ZNF718: variants seen among roughly 807,000 people sequenced by gnomAD.
ZNF718 encodes the protein zinc finger protein 718.
A neutral mutation model predicts 2.6 loss-of-function variants in ZNF718; 3 were observed. The observed-to-expected ratio is 1.16, with a 90% CI of 0.53 to 3.01. The LOEUF (loss-of-function observed/expected upper bound fraction) is 3.01. Among genes scored for constraint, ZNF718 ranks in the 30% most tolerant of loss-of-function variants. The probability of loss-of-function intolerance (pLI) is 0.03; values close to 1 mark genes in which losing one functional copy is unlikely to be tolerated. For synonymous variants in ZNF718, 135 were observed against 77.9 expected (o/e 1.73, Z -3.86); for missense variants, 468 against 230.0 (o/e 2.03, Z -6.69).
chr4:144,299 G>A (rs186206697), intron 3 of ZNF718, among the ~76,000 whole-genome samples: 2 of 152,266 alleles, frequency 1.3e-5, no homozygotes, highest in East Asian at 1.9e-4. Flanking sequence ...CTTTCTAGCG[G>A]TAACAATATA....
intron 3 of ZNF718, among the ~76,000 whole-genome samples, chr4:190,032 T>G (rs1553820924): frequency 6.6e-6 from 1 of 152,180 alleles, no homozygotes; most frequent in Non-Finnish European, 1.5e-5. Context: ...TCATCAGGAA[T>G]TCTATATTTA....
At chr4:131,971 G>T (rs1715360099) in intron 3 of ZNF718, among the ~76,000 whole-genome samples, 1 of 100,348 alleles carries the variant, frequency 1.0e-5, no homozygotes, top group South Asian at 3.2e-4. Context: ...CGTGAACCCA[G>T]GAGTCGGAGC....
chr4:161,454 T>C lies in ZNF718; in HGVS notation c.769T>C (p.Cys257Arg), dbSNP rs781931812. Residue 257 changes from cysteine (C) to arginine (R), a missense_variant, in exon 4 of 4, where the codon TGT becomes CGT. Coordinates refer to ENST00000510175, the MANE Select transcript of ZNF718 (RefSeq NM_001039127.6). Reference protein sequence around the residue: ...RIHTGEKPYICEKCGKAFNQS... With the variant: ...RIHTGEKPYIREKCGKAFNQS... ...TCATACTGGAGAGAAACCCTACATATGTGAAAAATGTGGTAAAGCTTTTAA... is the reference window on the plus strand; with the variant it reads ...TCATACTGGAGAGAAACCCTACATACGTGAAAAATGTGGTAAAGCTTTTAA... The C allele has an allele frequency of 1.4e-5, 11 of 780,672 alleles. No homozygotes were observed. The highest frequency in any genetic ancestry group is 1.3e-4 in the South Asian group (10 of 74,620). 48.4% of individuals were successfully genotyped at this position (780,672 alleles called of 1,614,324 possible).
Position 176,128 on chromosome 4 carries a change from A to G in ZNF718, c.227-24953A>G, listed in dbSNP as rs183604525. ...CCCTTATAAGCTCTAATTGCCCACA[A>G]CCTTTTAGAACTCTGCAGGCAGCTC... On this transcript the variant is annotated intron_variant and NMD_transcript_variant, in intron 3 of 4. Coordinates refer to the ZNF718 transcript ENST00000642529. 1.8e-3 allele frequency among the ~76,000 whole-genome samples: 269 copies of G among 151,946 alleles called. 1 individual carries two copies. The highest frequency in any genetic ancestry group is 6.0e-3 in the African/African-American group (248 of 41,432).
chr4:135,239 TA>T (rs1227093983), intron 3 of ZNF718, among the ~76,000 whole-genome samples: 200 of 135,576 alleles, frequency 1.5e-3, no homozygotes, highest in Non-Finnish European at 1.2e-3. Flanking sequence ...ACTCTTGTCT[TA>T]AAAAAAAAAA....
At chr4:124,834 C>A in intron 1 of ZNF718, 161 bp downstream of exon 1, 2 of 907,400 alleles carry the variant, frequency 2.2e-6, no homozygotes, top group Admixed American at 2.4e-5. Context: ...CCCCGTACAG[C>A]GGCTCTGGCC....
chr4:127,746 A>G lies in ZNF718; in HGVS notation c.4-3042A>G, dbSNP rs1334536442. ...TCTTTTGAAATTGCTTGCTATTGGC[A>G]CAAGTGGCTATAAATTAACCTAATA... On this transcript the variant is annotated intron_variant, in intron 1 of 3. Transcript: ENST00000510175. Among the ~76,000 whole-genome samples, 3 of 105,070 alleles carry G rather than the reference A, an allele frequency of 2.9e-5. 1 individual carries two copies. The highest frequency in any genetic ancestry group is 9.9e-5 in the African/African-American group (3 of 30,316). 68.9% of individuals were successfully genotyped at this position (105,070 alleles called of 152,430 possible).
At position 163,398 on chromosome 4, in the gene ZNF718, C is replaced by T. The variant is rs917513024; in HGVS notation, c.*1276C>T. Reference sequence around the variant, plus strand: ...AGAGACGGGGTTTCACCGTTTTAGCCGGGATGGTCTCGATCTCCTGACCTC... The same window carrying T: ...AGAGACGGGGTTTCACCGTTTTAGCTGGGATGGTCTCGATCTCCTGACCTC... On this transcript the variant is annotated 3_prime_UTR_variant, in exon 4 of 4. Transcript: ENST00000510175. 3.3e-5 allele frequency: 5 copies of T among 152,066 alleles called. No individual in the cohort carries two copies. The highest frequency in any genetic ancestry group is 4.8e-5 in the African/African-American group (2 of 41,402). The allele number at this position is 152,066 out of a possible 1,614,324, so 9.4% of individuals were successfully genotyped here.
At chr4:192,967 A>G (rs1464061972) in intron 3 of ZNF718, among the ~76,000 whole-genome samples, 1 of 152,278 alleles carries the variant, frequency 6.6e-6, no homozygotes, top group East Asian at 1.9e-4. Flanking sequence ...GGGTGCTATC[A>G]ATGCCTAAGT....
intron 3 of ZNF718, among the ~76,000 whole-genome samples, chr4:182,591 C>T (rs1468862705): frequency 6.6e-6 from 1 of 151,896 alleles, no homozygotes; most frequent in Non-Finnish European, 1.5e-5. Context: ...CACCAACATG[C>T]CTGGCTAATT....
intron 1 of ZNF718, among the ~76,000 whole-genome samples, chr4:128,217 C>T (rs1322116872): frequency 9.6e-6 from 1 of 103,800 alleles, no homozygotes; most frequent in African/African-American, 3.3e-5. Flanking sequence ...GAAAAACTCA[C>T]AGAAGACATT....
chr4:138,197 A>G (rs557400171), intron 3 of ZNF718, among the ~76,000 whole-genome samples: 25 of 152,324 alleles, frequency 1.6e-4, no homozygotes, highest in African/African-American at 4.3e-4. Flanking sequence ...GCTTTTGACT[A>G]TAGTCACTCT....
downstream of ZNF718, among the ~76,000 whole-genome samples, chr4:168,205 T>A (rs535655837): frequency 6.6e-6 from 1 of 152,324 alleles, no homozygotes; most frequent in Admixed American, 6.5e-5. Flanking sequence ...GAAGCCCACT[T>A]GATCATGGTG....
chr4:143,179 T>C (rs1489907221), intron 3 of ZNF718, among the ~76,000 whole-genome samples: 2 of 152,074 alleles, frequency 1.3e-5, no homozygotes, highest in Non-Finnish European at 2.9e-5. Flanking sequence ...AGTGAGAACC[T>C]AACCAAAAAG....
chr4:176,103 C>T (rs1717340751), intron 3 of ZNF718, among the ~76,000 whole-genome samples: 1 of 152,038 alleles, frequency 6.6e-6, no homozygotes, highest in South Asian at 2.1e-4. Flanking sequence ...GCTAAAAGCA[C>T]CCTTATAAGC....
chr4:153,322 A>G (rs1160174808), intron 3 of ZNF718, among the ~76,000 whole-genome samples: 2 of 151,960 alleles, frequency 1.3e-5, no homozygotes, highest in African/African-American at 4.8e-5. Context: ...GTAGCTTTAT[A>G]TTATATTATG....
intron 3 of ZNF718, among the ~76,000 whole-genome samples, chr4:170,799 C>T (rs1717208303): frequency 1.3e-5 from 2 of 152,058 alleles, no homozygotes; most frequent in Non-Finnish European, 2.9e-5. Flanking sequence ...CGAACTTCCT[C>T]CTTTAGTTCG....
At chr4:202,234 T>G (rs1717916209) in exon 5 of ZNF718, 1 of 152,240 alleles carries the variant, frequency 6.6e-6, no homozygotes, top group African/African-American at 2.4e-5. Context: ...GCCTTTTGCC[T>G]TCTGACATGA....
At chr4:164,483 C>T (rs1336467084), downstream of ZNF718, among the ~76,000 whole-genome samples, 1 of 152,004 alleles carries the variant, frequency 6.6e-6, no homozygotes, top group Non-Finnish European at 1.5e-5. Context: ...TTGAGAATCT[C>T]CTTGTGCAAA....
Sources: allele counts gnomAD v4.1 joint callset (sites outside exome capture counted in the v4.1 genomes callset), GRCh38; gene constraint gnomAD v4.1.1; transcripts MANE v1.5; gene names NCBI Gene and HGNC (gene_info 2026-07-23, HGNC 2026-07-21).